USP48: variants seen among roughly 807,000 people sequenced by gnomAD.
The protein encoded by USP48 is ubiquitin specific peptidase 48, also known as ubiquitin carboxyl-terminal hydrolase 48.
A neutral mutation model predicts 150.7 loss-of-function variants in USP48; 43 were observed. That is an observed-to-expected ratio of 0.29 (90% CI 0.22 to 0.37). USP48 has a LOEUF of 0.37. USP48 is among the 10% of genes least tolerant of loss of function. The pLI is 1.00. For synonymous variants in USP48, 396 were observed against 425.9 expected (o/e 0.93, Z 0.86); for missense variants, 813 against 1,249.6 (o/e 0.65, Z 5.27).
chr1:21,678,423 T>C lies in USP48; in HGVS notation c.*994A>G, dbSNP rs1308235785. On this transcript the variant is annotated 3_prime_UTR_variant, in exon 27 of 27. Coordinates refer to ENST00000308271, the MANE Select transcript of USP48 (RefSeq NM_032236.8). ...GAGTTGGATGGACAGCACATCCATA[T>C]ACTTTTTTCCTTTTTTAAACAATGA... 3.3e-5 allele frequency: 5 copies of C among 152,164 alleles called. No individual in the cohort carries two copies. The highest frequency in any genetic ancestry group is 1.9e-4 in the East Asian group (1 of 5,200). 9.4% of individuals were successfully genotyped at this position (152,164 alleles called of 1,614,324 possible). A position where few individuals can be genotyped will look rare whatever the true frequency, so the allele number is the denominator to read the frequency against.
chr1:21,687,462 G>T (rs1050588473), intron 24 of USP48, among the ~76,000 whole-genome samples: 1 of 152,202 alleles, frequency 6.6e-6, no homozygotes, highest in African/African-American at 2.4e-5. Context: ...CTGTGTGTGT[G>T]AAGAGGAAAG....
At chr1:21,698,597 G>T (rs910049813) in intron 22 of USP48, among the ~76,000 whole-genome samples, 7 of 152,178 alleles carry the variant, frequency 4.6e-5, no homozygotes, top group Admixed American at 4.6e-4. Context: ...ACAAACTAAA[G>T]ACAGTAAGAA....
chr1:21,690,788 C>T (rs998082663), intron 23 of USP48, among the ~76,000 whole-genome samples: 9 of 152,130 alleles, frequency 5.9e-5, no homozygotes, highest in Admixed American at 3.9e-4. Flanking sequence ...CTTAGCCTCC[C>T]GAAGTGCAGA....
intron 9 of USP48, among the ~76,000 whole-genome samples, chr1:21,733,410 C>G (rs906899171): frequency 6.6e-6 from 1 of 151,764 alleles, no homozygotes; most frequent in East Asian, 1.9e-4. Flanking sequence ...GAGGAAGACT[C>G]TGTCTCAAAA....
intron 22 of USP48, among the ~76,000 whole-genome samples, chr1:21,698,544 A>G (rs1410730570): frequency 6.6e-6 from 1 of 152,260 alleles, no homozygotes; most frequent in Non-Finnish European, 1.5e-5. Flanking sequence ...AAATGTAGAT[A>G]GTTTCTAAAT....
At chr1:21,685,329 C>CTTT (rs555922788) in intron 25 of USP48, among the ~76,000 whole-genome samples, 1 of 136,388 alleles carries the variant, frequency 7.3e-6, no homozygotes, top group Non-Finnish European at 1.6e-5. Context: ...GCTTTCTTTT[C>CTTT]TTTTTTTTTT....
chr1:21,717,449 CCCAA>C (rs1045546248), intron 14 of USP48, among the ~76,000 whole-genome samples: 1 of 58,766 alleles, frequency 1.7e-5, no homozygotes, highest in Non-Finnish European at 4.5e-5. Flanking sequence ...TAAAAAAAAA[CCCAA>C]CCAACCAAAC....
intron 8 of USP48, among the ~76,000 whole-genome samples, chr1:21,746,184 A>T (rs1360575660): frequency 6.6e-6 from 1 of 152,160 alleles, no homozygotes; most frequent in Non-Finnish European, 1.5e-5. Flanking sequence ...AAAGAGATAG[A>T]GTTTATAAAA....
intron 8 of USP48, among the ~76,000 whole-genome samples, chr1:21,738,948 T>C (rs777650319): frequency 6.6e-6 from 1 of 152,112 alleles, no homozygotes; most frequent in Non-Finnish European, 1.5e-5. Context: ...CTGAAAACAC[T>C]GAAGATACTG....
intron 22 of USP48, among the ~76,000 whole-genome samples, chr1:21,699,506 G>T (rs1312888733): frequency 6.8e-6 from 1 of 147,030 alleles, no homozygotes; most frequent in Non-Finnish European, 1.5e-5. Flanking sequence ...CCTAATTTTT[G>T]TATTTTTATT....
At chr1:21,717,899 GC>G (rs767523816) in intron 14 of USP48, among the ~76,000 whole-genome samples, 1 of 152,150 alleles carries the variant, frequency 6.6e-6, no homozygotes, top group Non-Finnish European at 1.5e-5. Flanking sequence ...TCACACCACT[GC>G]ACTCCAGACT....
Position 21,752,670 on chromosome 1 carries a change from G to C in USP48, c.541-19C>G, listed in dbSNP as rs545955493. The stretch of plus-strand genomic sequence containing the variant: ...GAGCATCCTACAAGTTTAGGTTAAT[G>C]AAAAGAAAAATCATATCTTGCTTTT... On this transcript the variant is annotated intron_variant, in intron 4 of 26. Coordinates refer to ENST00000308271, the MANE Select transcript of USP48 (RefSeq NM_032236.8). 332 of 1,573,228 alleles carry C rather than the reference G, an allele frequency of 2.1e-4. 3 individuals are homozygous for C. In the South Asian group the frequency reaches 3.7e-3, roughly 18 times the overall value.
chr1:21,712,494 T>C (rs523504), intron 15 of USP48, among the ~76,000 whole-genome samples: 120,327 of 152,144 alleles, frequency 0.79, 48,511 homozygotes, highest in Admixed American at 0.87. Flanking sequence ...CTCCAGAAAG[T>C]GGTTTTAACA....
intron 1 of USP48, among the ~76,000 whole-genome samples, chr1:21,777,914 T>C (rs1336619395): frequency 2.0e-5 from 3 of 147,384 alleles, no homozygotes; most frequent in African/African-American, 7.6e-5. Context: ...TATCACAAGG[T>C]CAGGAGTTTG....
At chr1:21,743,066 A>G (rs991135284) in intron 8 of USP48, among the ~76,000 whole-genome samples, 32 of 152,154 alleles carry the variant, frequency 2.1e-4, no homozygotes, top group South Asian at 6.2e-4. Flanking sequence ...ACAAATACTG[A>G]TGACAACTCA....
intron 8 of USP48, among the ~76,000 whole-genome samples, chr1:21,744,669 C>T (rs1282861749): frequency 2.8e-5 from 4 of 141,564 alleles, no homozygotes; most frequent in Admixed American, 1.5e-4. Context: ...CCCAGCTACT[C>T]GGAAAGCTGA....
chr1:21,774,379 C>T (rs2097891600), intron 1 of USP48, among the ~76,000 whole-genome samples: 1 of 151,812 alleles, frequency 6.6e-6, no homozygotes, highest in African/African-American at 2.4e-5. Context: ...CATAAACATA[C>T]ATAAGAATAT....
chr1:21,776,447 A>G (rs2097898525), intron 1 of USP48, among the ~76,000 whole-genome samples: 1 of 152,068 alleles, frequency 6.6e-6, no homozygotes, highest in South Asian at 2.1e-4. Flanking sequence ...AATAAACAAA[A>G]GGAGAAAGGC....
At chr1:21,708,623 C>G (rs1008837367) in intron 15 of USP48, among the ~76,000 whole-genome samples, 3 of 151,920 alleles carry the variant, frequency 2.0e-5, no homozygotes, top group Non-Finnish European at 4.4e-5. Context: ...GTGGCTCACG[C>G]CTGTAATCCC....
Sources: gnomAD v4.1 joint callset for allele counts (sites outside exome capture counted in the v4.1 genomes callset) on GRCh38, gnomAD v4.1.1 for gene constraint, MANE v1.5 for transcripts, NCBI Gene and HGNC (gene_info 2026-07-23, HGNC 2026-07-21) for gene names.